Variants in YLPM1 observed in about 807,000 individuals in gnomAD.
The protein encoded by YLPM1 is YLP motif containing 1.
Under a neutral mutation model 230.0 loss-of-function variants are expected in YLPM1, and 99 were observed. That is an observed-to-expected ratio of 0.43 (90% CI 0.37 to 0.51). YLPM1 has a LOEUF of 0.51. YLPM1 is among the 20% of genes least tolerant of loss of function. YLPM1 has a pLI of 0.00. For synonymous variants in YLPM1, 984 were observed against 942.5 expected, an observed-to-expected ratio of 1.04 and a Z score of -0.81; for missense variants, 2,592 against 2,707.7, an observed-to-expected ratio of 0.96 and a Z score of 0.95.
intron 1 of YLPM1, among the ~76,000 whole-genome samples, chr14:74,778,244 T>G (rs2091060735): frequency 6.6e-6 from 1 of 152,202 alleles, no homozygotes; most frequent in African/African-American, 2.4e-5. Context: ...TTAATTTAAA[T>G]GTATAAATTT....
At position 74,792,867 on chromosome 14, in the gene YLPM1, C is replaced by G. The variant is rs181687420; in HGVS notation, c.2283-4713C>G. ...GTACCTCCATTTCCTGGAGTGCATG[C>G]TCAAGTAACTTGCTAAGGAAGTGTG... On this transcript the variant is annotated intron_variant, in intron 4 of 20. Transcript: ENST00000325680. 2.0e-5 allele frequency among the ~76,000 whole-genome samples: 3 copies of G among 152,256 alleles called. No homozygotes were observed. The East Asian group carries it at 5.8e-4, about 29-fold the overall frequency.
At position 74,809,183 on chromosome 14, in the gene YLPM1, T is replaced by C. The variant is rs7144212; in HGVS notation, c.4522-197T>C. On this transcript the variant is annotated intron_variant, in intron 6 of 20. Coordinates refer to ENST00000325680, the MANE Select transcript of YLPM1 (RefSeq NM_019589.3). ...CTGAATTCAAGTTCTTTATCAAATATAAGATTTGCCTATGTTTTCTCCCTT... is the reference window on the plus strand; with the variant it reads ...CTGAATTCAAGTTCTTTATCAAATACAAGATTTGCCTATGTTTTCTCCCTT... 1.8e-3 allele frequency among the ~76,000 whole-genome samples: 281 copies of C among 152,220 alleles called. 2 individuals carry two copies. Among genetic ancestry groups the C allele is most frequent in the African/African-American group, 6.6e-3 (274 of 41,546 alleles).
chr14:74,765,486 G>A (rs2090903010), intron 1 of YLPM1, among the ~76,000 whole-genome samples: 1 of 152,192 alleles, frequency 6.6e-6, no homozygotes, highest in South Asian at 2.1e-4. Context: ...CTGAAATAAA[G>A]TAGTAGAATA....
At chr14:74,802,532 T>C (rs753122450) in intron 5 of YLPM1, 24 bp from the exon 6 acceptor site, 6 of 1,604,482 alleles carry the variant, frequency 3.7e-6, no homozygotes, top group African/African-American at 1.3e-5. Context: ...CTTTATGTAC[T>C]ATGTCAATTT....
intron 19 of YLPM1, among the ~76,000 whole-genome samples, chr14:74,833,452 C>T (rs2091622557): frequency 1.3e-5 from 2 of 152,116 alleles, no homozygotes; most frequent in South Asian, 4.1e-4. Context: ...ACGGTTTCGC[C>T]TTGTTGCCCA....
At chr14:74,780,290 T>C in intron 2 of YLPM1, 115 bp from the exon 3 acceptor site, 6 of 1,305,628 alleles carry the variant, frequency 4.6e-6, no homozygotes, top group Non-Finnish European at 5.1e-6. Flanking sequence ...GATACTGTGT[T>C]TGACAGTTGG....
chr14:74,795,203 T>A (rs138776173), intron 4 of YLPM1, among the ~76,000 whole-genome samples: 2 of 152,326 alleles, frequency 1.3e-5, no homozygotes, highest in African/African-American at 4.8e-5. Flanking sequence ...CCCCAGTGAA[T>A]ACAGTAACCC....
intron 11 of YLPM1, among the ~76,000 whole-genome samples, 166 bp downstream of exon 11, chr14:74,812,948 T>A (rs2091448213): frequency 6.6e-6 from 1 of 152,192 alleles, no homozygotes; most frequent in Non-Finnish European, 1.5e-5. Context: ...TGGCCTACAC[T>A]ATAGAATCTT....
chr14:74,782,407 G>A lies in YLPM1; in HGVS notation c.2282+82G>A. On this transcript the variant is annotated intron_variant, in intron 4 of 20. Transcript: ENST00000325680. ...TATTTGGTTCTCGATGGTATAAAAA[G>A]CTTCATTTATACAATGTTTATACTC... 2.1e-6 allele frequency: 3 copies of A among 1,415,840 alleles called. No homozygotes were observed. The South Asian group carries it at 4.8e-5, about 23-fold the overall frequency. The allele number at this position is 1,415,840 out of a possible 1,614,324, so 87.7% of individuals were successfully genotyped here.
intron 18 of YLPM1, among the ~76,000 whole-genome samples, chr14:74,828,768 T>C (rs558746366): frequency 1.3e-5 from 2 of 152,352 alleles, no homozygotes; most frequent in African/African-American, 2.4e-5. Flanking sequence ...CATTGAGTTC[T>C]TGGTACAACC....
At chr14:74,776,162 A>C (rs771934271) in intron 1 of YLPM1, among the ~76,000 whole-genome samples, 18 of 152,090 alleles carry the variant, frequency 1.2e-4, no homozygotes, top group Non-Finnish European at 2.2e-4. Context: ...TCTTTTATTG[A>C]TTTTAATTAA....
At chr14:74,816,759 A>C in intron 13 of YLPM1, 69 bp downstream of exon 13, 5 of 1,518,484 alleles carry the variant, frequency 3.3e-6, no homozygotes, top group Non-Finnish European at 4.4e-6. Flanking sequence ...GTTTGGAGAG[A>C]AATGTGGCTT....
intron 4 of YLPM1, among the ~76,000 whole-genome samples, chr14:74,787,074 T>C (rs893207716): frequency 6.6e-6 from 1 of 152,222 alleles, no homozygotes; most frequent in African/African-American, 2.4e-5. Context: ...CTTTTTTTAT[T>C]TGATTATTGT....
At chr14:74,829,931 C>G (rs2091594974) in intron 19 of YLPM1, among the ~76,000 whole-genome samples, 2 of 152,158 alleles carry the variant, frequency 1.3e-5, no homozygotes, top group South Asian at 2.1e-4. Flanking sequence ...CCAGAGAGAT[C>G]AGACTGAACT....
At chr14:74,812,172 A>G (rs2091440354) in intron 10 of YLPM1, among the ~76,000 whole-genome samples, 1 of 151,956 alleles carries the variant, frequency 6.6e-6, no homozygotes, top group South Asian at 2.1e-4. Context: ...CAAGACCCTT[A>G]TTCTTAGTTA....
intron 6 of YLPM1, among the ~76,000 whole-genome samples, 156 bp from the exon 7 acceptor site, chr14:74,809,224 C>T (rs1302161062): frequency 2.6e-5 from 4 of 151,654 alleles, no homozygotes; most frequent in Non-Finnish European, 4.4e-5. Flanking sequence ...GGCTTGTCCT[C>T]ATTTTTTTTG....
rs372981094 is a variant in YLPM1 at position 74,769,341 on chromosome 14, C to T, written c.873+4979C>T. Among the ~76,000 whole-genome samples the T allele has an allele frequency of 1.4e-4, 19 of 132,692 alleles. No individual in the cohort carries two copies. The South Asian group carries it at 3.3e-3, about 23-fold the overall frequency. 87.1% of individuals were successfully genotyped at this position (132,692 alleles called of 152,430 possible). On this transcript the variant is annotated intron_variant, in intron 1 of 20. Coordinates refer to ENST00000325680, the MANE Select transcript of YLPM1 (RefSeq NM_019589.3). The stretch of plus-strand genomic sequence containing the variant: ...AGGCTGGGGTGCAATGGCACGATCT[C>T]GGCTCACTGCAACCTCTGCCTCCCG...
chr14:74,765,299 T>C (rs2090901182), intron 1 of YLPM1, among the ~76,000 whole-genome samples: 2 of 152,082 alleles, frequency 1.3e-5, no homozygotes, highest in South Asian at 4.1e-4. Context: ...TTAGATTCAC[T>C]AAGGAAAAAA....
chr14:74,782,426 T>TA, intron 4 of YLPM1, 101 bp downstream of exon 4: 1 of 1,338,466 alleles, frequency 7.5e-7, no homozygotes, highest in South Asian at 1.7e-5. Context: ...ATACAATGTT[T>TA]ATACTCTCTT....
Sources: gnomAD v4.1 joint callset for allele counts (sites outside exome capture counted in the v4.1 genomes callset) on GRCh38, gnomAD v4.1.1 for gene constraint, MANE v1.5 for transcripts, NCBI Gene and HGNC (gene_info 2026-07-23, HGNC 2026-07-21) for gene names.